The following TRDN variants were observed in gnomAD, a reference collection of about 807,000 sequenced individuals.
The protein encoded by TRDN is triadin.
A neutral mutation model predicts 149.7 loss-of-function variants in TRDN; 161 were observed. That is an observed-to-expected ratio of 1.08 (90% CI 0.95 to 1.23). TRDN has a LOEUF of 1.23. Ranked by LOEUF, TRDN falls within the 50% of genes most tolerant of loss-of-function variation. TRDN has a pLI of 0.00. For synonymous variants in TRDN, 294 were observed against 250.5 expected, an observed-to-expected ratio of 1.17 and a Z score of -1.64; for missense variants, 896 against 823.5, an observed-to-expected ratio of 1.09 and a Z score of -1.08.
chr6:123,391,955 A>G (rs1772494737), intron 13 of TRDN, among the ~76,000 whole-genome samples: 1 of 152,130 alleles, frequency 6.6e-6, no homozygotes, highest in East Asian at 1.9e-4. Context: ...AAACATATCT[A>G]AGAAAGATCT....
chr6:123,513,069 T>C (rs1779253388), intron 6 of TRDN, among the ~76,000 whole-genome samples: 1 of 152,168 alleles, frequency 6.6e-6, no homozygotes, highest in Middle Eastern at 3.2e-3. Context: ...TCAGAAAGCC[T>C]AATATTCAGT....
chr6:123,477,503 G>T (rs1408357716), intron 9 of TRDN, among the ~76,000 whole-genome samples: 3 of 147,408 alleles, frequency 2.0e-5, no homozygotes, highest in Non-Finnish European at 4.5e-5. Context: ...TCAGTGTGGC[G>T]ATTCCTCAGG....
At chr6:123,502,461 A>C in intron 8 of TRDN, 1 of 706,578 alleles carries the variant, frequency 1.4e-6, no homozygotes, top group Non-Finnish European at 1.7e-6. Flanking sequence ...TTTGTAGATC[A>C]CTAAAAAAAG....
At chr6:123,223,721 C>CTTCA (rs1217111881) in intron 39 of TRDN, among the ~76,000 whole-genome samples, 3 of 144,862 alleles carry the variant, frequency 2.1e-5, no homozygotes, top group Non-Finnish European at 4.5e-5. Context: ...TCCTTCCTTC[C>CTTCA]TTCCTTCCTT....
rs1457695761 is a variant in TRDN at position 123,497,401 on chromosome 6, T to TA, written c.794-150dup. 21 of 509,676 alleles carry TA rather than the reference T, an allele frequency of 4.1e-5. No individual in the cohort carries two copies. In the East Asian group the frequency reaches 7.2e-4, roughly 17 times the overall value. 31.6% of individuals were successfully genotyped at this position (509,676 alleles called of 1,614,324 possible). ...CTGTAAAAAAAATAATTTGCACTTA[T>TA]ATGAAAATACAGAAGGAAAGAAAGA... On this transcript the variant is annotated intron_variant, in intron 8 of 40. Coordinates refer to ENST00000334268, the MANE Select transcript of TRDN (RefSeq NM_006073.4).
At chr6:123,406,653 T>C (rs1773203342) in intron 12 of TRDN, among the ~76,000 whole-genome samples, 1 of 152,118 alleles carries the variant, frequency 6.6e-6, no homozygotes, top group African/African-American at 2.4e-5. Flanking sequence ...GTGATAGCCA[T>C]ATATAAACAT....
At chr6:123,452,342 A>G (rs531913820) in intron 10 of TRDN, among the ~76,000 whole-genome samples, 1 of 152,254 alleles carries the variant, frequency 6.6e-6, no homozygotes, top group East Asian at 1.9e-4. Context: ...TTTTACCTTG[A>G]AAAACCTAAA....
chr6:123,428,538 T>C (rs906220632), intron 12 of TRDN, among the ~76,000 whole-genome samples: 14 of 152,310 alleles, frequency 9.2e-5, no homozygotes, highest in African/African-American at 3.4e-4. Flanking sequence ...AGAATAGTAG[T>C]TGGATAAACT....
At chr6:123,434,389 G>A (rs532255251) in intron 12 of TRDN, among the ~76,000 whole-genome samples, 2 of 152,252 alleles carry the variant, frequency 1.3e-5, no homozygotes, top group African/African-American at 4.8e-5. Flanking sequence ...TGAATGATTT[G>A]GCAAATGAAG....
At chr6:123,347,376 G>GC (rs953040128) in intron 21 of TRDN, among the ~76,000 whole-genome samples, 2 of 151,610 alleles carry the variant, frequency 1.3e-5, no homozygotes, top group Non-Finnish European at 2.9e-5. Flanking sequence ...ATTTTTTATA[G>GC]TTTTTTTTCT....
intron 9 of TRDN, among the ~76,000 whole-genome samples, chr6:123,486,798 C>G (rs1777992765): frequency 6.6e-6 from 1 of 151,920 alleles, no homozygotes; most frequent in Non-Finnish European, 1.5e-5. Flanking sequence ...ATTGCTATAT[C>G]TACATCTACT....
intron 22 of TRDN, 91 bp downstream of exon 22, chr6:123,337,528 T>C (rs1779917519): frequency 3.9e-6 from 2 of 508,730 alleles, no homozygotes; most frequent in Admixed American, 4.4e-5. Flanking sequence ...GGTTTACATA[T>C]TTGCAAAGGG....
chr6:123,502,831 T>C, intron 8 of TRDN: 2 of 985,268 alleles, frequency 2.0e-6, no homozygotes, highest in Non-Finnish European at 2.4e-6. Context: ...ATTACAGGAA[T>C]AGTCTCTACA....
At chr6:123,467,005 T>C (rs1265413324) in intron 9 of TRDN, among the ~76,000 whole-genome samples, 2 of 152,224 alleles carry the variant, frequency 1.3e-5, no homozygotes, top group Non-Finnish European at 2.9e-5. Context: ...CTATTACCTA[T>C]ATTTAGATTT....
At position 123,272,980 on chromosome 6, in the gene TRDN, A is replaced by T; in HGVS notation, c.1656T>A (p.Val552=). The T allele has an allele frequency of 6.5e-7, 1 of 1,531,340 alleles. No individual in the cohort carries two copies. The highest frequency in any genetic ancestry group is 1.4e-5 in the African/African-American group (1 of 71,680). The allele number at this position is 1,531,340 out of a possible 1,614,324, so 94.9% of individuals were successfully genotyped here. ...KQDIVKPEKT[V]SHGKPEEKVL... is the part of the protein sequence containing the mutation. The stretch of plus-strand genomic sequence containing the variant: ...GCAAAATACCTGGTTTACCATGAGA[A>T]ACAGTCTTTTCTGGTTTCACTATGT... The change falls in exon 29 of 41, where the codon GTT becomes GTA. Residue 552 remains valine, a synonymous_variant. Transcript: ENST00000334268.
intron 8 of TRDN, chr6:123,502,249 AT>A (rs1298419631): frequency 1.0e-6 from 1 of 966,520 alleles, no homozygotes; most frequent in Non-Finnish European, 1.2e-6. Flanking sequence ...TATTCAACGT[AT>A]TTTCTCTTTA....
At chr6:123,575,144 A>G (rs1323552505) in intron 1 of TRDN, among the ~76,000 whole-genome samples, 3 of 151,830 alleles carry the variant, frequency 2.0e-5, no homozygotes, top group Non-Finnish European at 4.4e-5. Context: ...ATTTCCACTT[A>G]AGAATTAATC....
At chr6:123,428,109 T>A (rs556485195) in intron 12 of TRDN, among the ~76,000 whole-genome samples, 42 of 152,304 alleles carry the variant, frequency 2.8e-4, no homozygotes, top group African/African-American at 9.9e-4. Flanking sequence ...CTAGTCCATC[T>A]CATCATTTTT....
At position 123,516,199 on chromosome 6, in the gene TRDN, G is replaced by A; in HGVS notation, c.492C>T (p.His164=). ...PERKIQTKVT[H]KEKEKGKEKV... ...TTTCTTTTCCTTTTTCTTTTTCTTT[G>A]TGTGTAACTGAAAAGAAACAGATAA... The change falls in exon 6 of 41, where the codon CAC becomes CAT. Residue 164 remains histidine, a synonymous_variant. Transcript: ENST00000334268. The A allele has an allele frequency of 6.8e-7, 1 of 1,461,226 alleles. No homozygotes were observed. Among genetic ancestry groups the A allele is most frequent in the Non-Finnish European group, 9.1e-7 (1 of 1,093,094 alleles). 90.5% of individuals were successfully genotyped at this position (1,461,226 alleles called of 1,614,324 possible).
Sources: allele counts gnomAD v4.1 joint callset (sites outside exome capture counted in the v4.1 genomes callset), GRCh38; gene constraint gnomAD v4.1.1; transcripts MANE v1.5; gene names NCBI Gene and HGNC (gene_info 2026-07-23, HGNC 2026-07-21).